TVP23C: variants seen among roughly 807,000 people sequenced by gnomAD.
The protein encoded by TVP23C is trans-golgi network vesicle protein 23 homolog C.
Under a neutral mutation model 28.7 loss-of-function variants are expected in TVP23C, and 19 were observed. The observed-to-expected ratio is 0.66, with a 90% CI of 0.46 to 0.97. TVP23C has a LOEUF of 0.97. TVP23C is among the 50% of genes least tolerant of loss of function. The probability of loss-of-function intolerance (pLI) is 0.00; values close to 1 mark genes in which losing one functional copy is unlikely to be tolerated. For synonymous variants in TVP23C, 68 were observed against 81.7 expected, an observed-to-expected ratio of 0.83 and a Z score of 0.90; for missense variants, 186 against 241.3, an observed-to-expected ratio of 0.77 and a Z score of 1.52.
At chr17:15,559,600 A>C (rs1984290124) in intron 1 of TVP23C, among the ~76,000 whole-genome samples, 1 of 148,734 alleles carries the variant, frequency 6.7e-6, no homozygotes, top group African/African-American at 2.4e-5. Flanking sequence ...GAGAAGAAGG[A>C]GGGACAAAAG....
At chr17:15,506,509 C>T (rs9914823) in intron 5 of TVP23C, among the ~76,000 whole-genome samples, 5,005 of 152,258 alleles carry the variant, frequency 0.033, 187 homozygotes, top group African/African-American at 0.09. Flanking sequence ...TGGGTGGGGC[C>T]AAATAAGAGA....
At chr17:15,503,127 G>C (rs777680430) in exon 6 of TVP23C, 2 of 1,611,392 alleles carry the variant, frequency 1.2e-6, no homozygotes, top group African/African-American at 2.7e-5. Context: ...GGATGGCCCG[G>C]GCAGCGGCTC....
Position 15,502,866 on chromosome 17 carries a change from A to C in TVP23C, c.829T>G (p.Ter277GluextTer31), listed in dbSNP as rs781729385. The change falls in exon 6 of 6, where the codon TAA (stop) becomes GAA (glutamate). Residue 277 changes from the stop codon to glutamate, a stop_lost. Transcript: ENST00000225576. ...AGCTTCAGATTTGTGGGTTGTTTTT[A>C]ATGCATTCCGGATGCCAGATGAAAT... 3 of 1,574,818 alleles carry C rather than the reference A, an allele frequency of 1.9e-6. No homozygotes were observed. The Admixed American group carries it at 5.4e-5, about 28-fold the overall frequency.
At chr17:15,508,079 T>C (rs891652891) in intron 5 of TVP23C, among the ~76,000 whole-genome samples, 8 of 152,168 alleles carry the variant, frequency 5.3e-5, no homozygotes, top group African/African-American at 1.9e-4. Context: ...GCTCAGGACC[T>C]TTGTAAATAC....
chr17:15,545,503 G>A (rs1471711771), intron 5 of TVP23C, among the ~76,000 whole-genome samples: 2 of 152,298 alleles, frequency 1.3e-5, no homozygotes, highest in Admixed American at 6.5e-5. Context: ...GTTTTGGGGT[G>A]ATTTGTTAGG....
intron 5 of TVP23C, among the ~76,000 whole-genome samples, chr17:15,520,778 T>A (rs1296102466): frequency 6.6e-6 from 1 of 151,960 alleles, no homozygotes; most frequent in East Asian, 1.9e-4. Flanking sequence ...TATACTGGAG[T>A]TCCTAGTGAA....
intron 5 of TVP23C, among the ~76,000 whole-genome samples, chr17:15,515,591 C>T (rs1259482511): frequency 6.6e-6 from 1 of 152,114 alleles, no homozygotes; most frequent in Non-Finnish European, 1.5e-5. Context: ...ATACGGGTAT[C>T]GTTATAAATT....
rs573973742 is a variant in TVP23C, at chr17:15,538,451, G to A, written c.*1961C>T. 16 of 677,316 alleles carry A rather than the reference G, an allele frequency of 2.4e-5. No individual in the cohort carries two copies. In the South Asian group the frequency reaches 3.9e-4, roughly 17 times the overall value. The allele number at this position is 677,316 out of a possible 1,614,324, so 42.0% of individuals were successfully genotyped here. On this transcript the variant is annotated 3_prime_UTR_variant, in exon 6 of 6. Transcript: ENST00000518321. ...TAAAAATACAAAAAATTAGCCAGGC[G>A]TGGTGGCGGGCGCCTGCAATCCCAG...
chr17:15,506,579 G>A (rs552446764), intron 5 of TVP23C, among the ~76,000 whole-genome samples: 13 of 152,188 alleles, frequency 8.5e-5, no homozygotes, highest in Admixed American at 5.2e-4. Context: ...TCCACACTGC[G>A]GAAGCTTTGT....
At chr17:15,559,431 GGACATTTTAAGATGCTAAAC>G (rs1380691245) in intron 1 of TVP23C, among the ~76,000 whole-genome samples, 3 of 148,382 alleles carry the variant, frequency 2.0e-5, no homozygotes, top group African/African-American at 4.9e-5. Context: ...GTTTGATTTT[GGACATTTTAAGATGCTAAAC>G]GACATTTTAA....
At chr17:15,509,495 G>A (rs9911005) in intron 5 of TVP23C, among the ~76,000 whole-genome samples, 73,810 of 152,158 alleles carry the variant, frequency 0.49, 18,947 homozygotes, top group Middle Eastern at 0.62. Context: ...GCACCTTTGC[G>A]AGTTTCTTGG....
chr17:15,553,807 G>T lies in TVP23C; in HGVS notation c.118C>A (p.His40Asn). 7 of 1,613,786 alleles carry T rather than the reference G, an allele frequency of 4.3e-6. No individual in the cohort carries two copies. Among genetic ancestry groups the T allele is most frequent in the Non-Finnish European group, 5.9e-6 (7 of 1,179,828 alleles). The change falls in exon 3 of 6, where the codon CAC becomes AAC. Residue 40 changes from histidine (H) to asparagine (N), a missense_variant. His to Asn is a moderately conservative substitution (Grantham distance 68). Coordinates refer to ENST00000518321, the MANE Select transcript of TVP23C (RefSeq NM_001135036.2). Reference sequence around the variant, plus strand: ...ATTGCACTGACTCGAAAGAATAAGTGGAAAAACGATGCTACTGGATGTCTG... The same window carrying T: ...ATTGCACTGACTCGAAAGAATAAGTTGAAAAACGATGCTACTGGATGTCTG... ...KIRHPVASFF[H>N]LFFRVSAIIV...
chr17:15,545,849 G>A lies in TVP23C; in HGVS notation c.398C>T (p.Ala133Val), dbSNP rs1307343692. The change falls in exon 5 of 6, where the codon GCC (alanine) becomes GTC (valine). Residue 133 changes from alanine (A) to valine (V), a missense_variant. Ala to Val is a moderately conservative substitution (Grantham distance 64, BLOSUM62 0). Transcript: ENST00000518321. ...ESRIFWLGLI[A>V]CSVLWVIFAF... ...AAATATCACCCACAGTACTGAACAG[G>A]CAATAAGTCCCAACCAAAAGATTCT... is the stretch of plus-strand genomic sequence containing the variant. The A allele has an allele frequency of 1.2e-6, 2 of 1,614,014 alleles. No individual in the cohort carries two copies. Among genetic ancestry groups the A allele is most frequent in the Non-Finnish European group, 1.7e-6 (2 of 1,179,974 alleles).
intron 5 of TVP23C, among the ~76,000 whole-genome samples, chr17:15,528,795 T>A (rs372958074): frequency 0.24 from 34,991 of 145,086 alleles, 4,890 homozygotes; most frequent in African/African-American, 0.38. Context: ...ACGGGGTTTC[T>A]CCATGTTGGC....
intron 4 of TVP23C, among the ~76,000 whole-genome samples, chr17:15,546,758 G>A (rs996031645): frequency 6.7e-6 from 1 of 148,696 alleles, no homozygotes; most frequent in Non-Finnish European, 1.5e-5. Context: ...GATTTATGGA[G>A]ACACTAACAA....
In TVP23C at chr17:15,537,889, C is replaced by T. The variant is rs529349466; in HGVS notation, c.*2523G>A. 1 of 1,414,392 alleles carries T rather than the reference C, an allele frequency of 7.1e-7. No individual in the cohort carries two copies. The highest frequency in any genetic ancestry group is 1.6e-5 in the South Asian group (1 of 61,508). The allele number at this position is 1,414,392 out of a possible 1,614,324, so 87.6% of individuals were successfully genotyped here. On this transcript the variant is annotated 3_prime_UTR_variant, in exon 6 of 6. Transcript: ENST00000518321. The stretch of plus-strand genomic sequence containing the variant: ...CATACCTATGGAATGTGCATACCTA[C>T]ACCACAGAACAAATCTTAACAATGT...
intron 5 of TVP23C, among the ~76,000 whole-genome samples, chr17:15,505,829 C>T (rs950898688): frequency 1.3e-5 from 2 of 152,214 alleles, no homozygotes; most frequent in Admixed American, 1.3e-4. Flanking sequence ...AATGAGCACC[C>T]GGGCCAGCGG....
At chr17:15,526,470 T>C (rs1304801390) in intron 5 of TVP23C, among the ~76,000 whole-genome samples, 3 of 152,236 alleles carry the variant, frequency 2.0e-5, no homozygotes, top group African/African-American at 7.2e-5. Flanking sequence ...GTTCTTCTTA[T>C]GTCTGACTGT....
intron 5 of TVP23C, among the ~76,000 whole-genome samples, chr17:15,517,742 C>T (rs893304820): frequency 2.6e-5 from 4 of 152,088 alleles, no homozygotes; most frequent in Non-Finnish European, 4.4e-5. Flanking sequence ...AAGCCACATC[C>T]GATAAAGGTA....
Sources: allele counts gnomAD v4.1 joint callset (sites outside exome capture counted in the v4.1 genomes callset), GRCh38; gene constraint gnomAD v4.1.1; transcripts MANE v1.5; gene names NCBI Gene and HGNC (gene_info 2026-07-23, HGNC 2026-07-21).